SLC9A9: variants seen among roughly 807,000 people sequenced by gnomAD.
SLC9A9 encodes sodium/hydrogen exchanger 9.
SLC9A9 carries 62 observed loss-of-function variants against 77.8 expected under a neutral mutation model. That is an observed-to-expected ratio of 0.80 (90% CI 0.65 to 0.98). SLC9A9 has a LOEUF of 0.98. Among genes scored for constraint, SLC9A9 ranks in the 50% least tolerant of loss-of-function variants. The pLI, the probability that SLC9A9 is intolerant of heterozygous loss-of-function variation, is 0.00. For missense variants in SLC9A9, 775 were observed against 774.9 expected (o/e 1.00, Z 0.00); for synonymous variants, 320 against 283.5 (o/e 1.13, Z -1.29).
At chr3:143,681,588 A>T (rs573614151) in intron 5 of SLC9A9, among the ~76,000 whole-genome samples, 2 of 152,238 alleles carry the variant, frequency 1.3e-5, no homozygotes, top group Non-Finnish European at 2.9e-5. Flanking sequence ...ATTTCTGACC[A>T]TGTGCAACTA....
At chr3:143,449,838 G>A (rs377319728) in intron 12 of SLC9A9, among the ~76,000 whole-genome samples, 32,179 of 62,546 alleles carry the variant, frequency 0.51, 7,741 homozygotes, top group East Asian at 0.69. Context: ...ATAATTATAT[G>A]TATTATATAT....
chr3:143,796,100 G>A (rs6807571), intron 3 of SLC9A9, among the ~76,000 whole-genome samples: 24,071 of 152,172 alleles, frequency 0.16, 2,077 homozygotes, highest in South Asian at 0.29. Context: ...AAAACCACGT[G>A]GGCTGGAGCC....
At chr3:143,428,369 C>A (rs891980644) in intron 12 of SLC9A9, among the ~76,000 whole-genome samples, 2 of 151,908 alleles carry the variant, frequency 1.3e-5, no homozygotes, top group Non-Finnish European at 2.9e-5. Flanking sequence ...AAATCAAAAC[C>A]ACGATGAGAT....
At chr3:143,301,707 C>T (rs576479583) in intron 14 of SLC9A9, among the ~76,000 whole-genome samples, 4 of 152,264 alleles carry the variant, frequency 2.6e-5, no homozygotes, top group Non-Finnish European at 4.4e-5. Flanking sequence ...TGTGTTTTTG[C>T]AGCTTCCCCT....
chr3:143,291,961 C>G (rs990636814), intron 14 of SLC9A9, among the ~76,000 whole-genome samples: 3 of 152,238 alleles, frequency 2.0e-5, no homozygotes, highest in Non-Finnish European at 2.9e-5. Context: ...CACCTCTGCT[C>G]TAAGCCAGTG....
chr3:143,803,782 C>T (rs1007993816), intron 2 of SLC9A9, among the ~76,000 whole-genome samples: 1 of 152,136 alleles, frequency 6.6e-6, no homozygotes, highest in African/African-American at 2.4e-5. Context: ...TCCCTTTCTT[C>T]CAGCGCCTAC....
At position 143,777,227 on chromosome 3, in the gene SLC9A9, G is replaced by A. The variant is rs74578456; in HGVS notation, c.533+17774C>T. Among the ~76,000 whole-genome samples, 1,342 of 152,206 alleles carry A rather than the reference G, an allele frequency of 8.8e-3. 23 individuals are homozygous for A. Among genetic ancestry groups the A allele is most frequent in the African/African-American group, 0.031 (1,299 of 41,522 alleles). ...TAAAACTGGACAATCAGAGTTACTC[G>A]AAGATCAGCTGCCTCAAATAAACTT... is the stretch of plus-strand genomic sequence containing the variant. On this transcript the variant is annotated intron_variant, in intron 4 of 15. Transcript: ENST00000316549.
intron 4 of SLC9A9, among the ~76,000 whole-genome samples, chr3:143,700,183 A>G (rs1381195628): frequency 6.6e-6 from 1 of 152,000 alleles, no homozygotes; most frequent in East Asian, 1.9e-4. Flanking sequence ...AACCAGCAAC[A>G]ATACCCATGT....
Position 143,266,747 on chromosome 3 carries a change from A to T in SLC9A9, c.1893T>A (p.Tyr631Ter), listed in dbSNP as rs1213323892. The T allele has an allele frequency of 6.2e-7, 1 of 1,614,210 alleles. No homozygotes were observed. The change falls in exon 16 of 16, where the codon TAT (tyrosine) becomes TAA (stop). Residue 631 changes from tyrosine to a stop codon, truncating the protein, a stop_gained. Coordinates refer to ENST00000316549, the MANE Select transcript of SLC9A9 (RefSeq NM_173653.4). LOFTEE classifies it high-confidence loss of function. ...CCAAAGTTTGCTCAAGCTTGAGTTC[A>T]TAGCCTCCCAGGCCGAGGTCTCCCT... ...IYEGDLGLGG[Y>*]ELKLEQTLGQ...
intron 12 of SLC9A9, among the ~76,000 whole-genome samples, chr3:143,448,403 C>T (rs1448978078): frequency 1.3e-5 from 2 of 152,064 alleles, no homozygotes; most frequent in Non-Finnish European, 2.9e-5. Flanking sequence ...TAACACAAAG[C>T]TTATCAAGAT....
chr3:143,673,803 G>A (rs895304608), intron 5 of SLC9A9, among the ~76,000 whole-genome samples: 35 of 151,986 alleles, frequency 2.3e-4, no homozygotes, highest in African/African-American at 8.5e-4. Flanking sequence ...ATATTTAAGT[G>A]TATAGTAGCT....
intron 5 of SLC9A9, among the ~76,000 whole-genome samples, chr3:143,657,610 C>A (rs369723312): frequency 6.6e-6 from 1 of 152,138 alleles, no homozygotes; most frequent in South Asian, 2.1e-4. Flanking sequence ...TTTCCAGAGG[C>A]TACATGATGC....
At chr3:143,664,061 T>G (rs1413077762) in intron 5 of SLC9A9, among the ~76,000 whole-genome samples, 1 of 150,130 alleles carries the variant, frequency 6.7e-6, no homozygotes, top group East Asian at 2.0e-4. Context: ...AAGGAAAAAA[T>G]GTTAAGGGCA....
At chr3:143,378,414 C>T (rs997305041) in intron 13 of SLC9A9, among the ~76,000 whole-genome samples, 1 of 152,126 alleles carries the variant, frequency 6.6e-6, no homozygotes, top group African/African-American at 2.4e-5. Flanking sequence ...TTGTAAAATG[C>T]AGATAATTAT....
intron 9 of SLC9A9, chr3:143,503,984 C>A: frequency 4.8e-6 from 2 of 416,838 alleles, no homozygotes; most frequent in South Asian, 3.8e-5. Context: ...CTGGTGAACT[C>A]CACAACATAA....
At chr3:143,756,154 A>C (rs1276725466) in intron 4 of SLC9A9, among the ~76,000 whole-genome samples, 1 of 152,132 alleles carries the variant, frequency 6.6e-6, no homozygotes, top group Non-Finnish European at 1.5e-5. Context: ...AATCACTTTC[A>C]TCCATAGACT....
At chr3:143,493,569 G>C (rs1470443800) in intron 11 of SLC9A9, 84 bp downstream of exon 11, 4 of 1,241,064 alleles carry the variant, frequency 3.2e-6, no homozygotes, top group Middle Eastern at 3.9e-4. Flanking sequence ...TCCCCAAAAG[G>C]GTTCTAAATT....
intron 14 of SLC9A9, among the ~76,000 whole-genome samples, chr3:143,280,461 TCTC>T (rs962707609): frequency 4.6e-5 from 7 of 152,096 alleles, no homozygotes; most frequent in African/African-American, 1.7e-4. Flanking sequence ...ACAAATCTCT[TCTC>T]CTCCTAGACA....
chr3:143,837,165 T>C (rs1484911490), intron 1 of SLC9A9, among the ~76,000 whole-genome samples: 1 of 152,218 alleles, frequency 6.6e-6, no homozygotes, highest in African/African-American at 2.4e-5. Flanking sequence ...TTTGGCTGTG[T>C]TCAACACTAT....
Sources: allele counts gnomAD v4.1 joint callset (sites outside exome capture counted in the v4.1 genomes callset), GRCh38; gene constraint gnomAD v4.1.1; transcripts MANE v1.5; gene names NCBI Gene and HGNC (gene_info 2026-07-23, HGNC 2026-07-21).